Variants in UGT1A7 observed in about 807,000 individuals in gnomAD.
UGT1A7 encodes UDP glucuronosyltransferase family 1 member A7.
UGT1A7 carries 33 observed loss-of-function variants against 45.6 expected under a neutral mutation model. The observed-to-expected ratio is 0.72, with a 90% confidence interval of 0.55 to 0.97. The LOEUF (loss-of-function observed/expected upper bound fraction) is 0.97, where lower values mean the gene tolerates loss of function less well. Among genes scored for constraint, UGT1A7 ranks in the 50% least tolerant of loss-of-function variants. The probability of loss-of-function intolerance (pLI) is 0.00; values close to 1 mark genes in which losing one functional copy is unlikely to be tolerated. For synonymous variants in UGT1A7, 274 were observed against 250.6 expected, an observed-to-expected ratio of 1.09 and a Z score of -0.88; for missense variants, 684 against 666.2, an observed-to-expected ratio of 1.03 and a Z score of -0.29.
chr2:233,749,470 C>T (rs7604115), intron 1 of UGT1A7, among the ~76,000 whole-genome samples: 55,875 of 151,612 alleles, frequency 0.37, 10,826 homozygotes, highest in African/African-American at 0.42. Context: ...GGAACTGTGG[C>T]ACAGATCACT....
chr2:233,718,910 G>T (rs760663679), intron 1 of UGT1A7: 2 of 1,614,074 alleles, frequency 1.2e-6, no homozygotes, highest in East Asian at 4.5e-5. Context: ...AGAGTGGAAA[G>T]GTGTTGGTGG....
At chr2:233,763,400 C>G (rs1260538739) in intron 1 of UGT1A7, among the ~76,000 whole-genome samples, 3 of 152,186 alleles carry the variant, frequency 2.0e-5, no homozygotes, top group African/African-American at 7.2e-5. Context: ...CAACATGGCA[C>G]TGGTATTTTT....
intron 1 of UGT1A7, chr2:233,690,992 C>T: frequency 2.0e-6 from 2 of 994,606 alleles, no homozygotes; most frequent in Non-Finnish European, 2.4e-6. Flanking sequence ...ATATGAGCAA[C>T]AGGATTTTCA....
rs767800703 is a variant in UGT1A7 at position 233,760,482 on chromosome 2, G to A, written c.856-6552G>A. 9.3e-6 allele frequency: 15 copies of A among 1,614,120 alleles called. No homozygotes were observed. The highest frequency in any genetic ancestry group is 4.0e-5 in the African/African-American group (3 of 74,938). ...TAGTTGTCCTAGCACCTGACGCCTC[G>A]TTGTACATCAGAGACGGAGCATTTT... is the stretch of plus-strand genomic sequence containing the variant. On this transcript the variant is annotated intron_variant, in intron 1 of 4. Transcript: ENST00000373426.
At chr2:233,750,273 A>T (rs1048305257) in intron 1 of UGT1A7, among the ~76,000 whole-genome samples, 6 of 151,954 alleles carry the variant, frequency 3.9e-5, no homozygotes, top group African/African-American at 1.5e-4. Context: ...TGCTTTAGCA[A>T]AGAGACTGGT....
chr2:233,723,946 G>C (rs1413540924), intron 1 of UGT1A7, among the ~76,000 whole-genome samples: 2 of 53,094 alleles, frequency 3.8e-5, no homozygotes, highest in Non-Finnish European at 6.6e-5. Flanking sequence ...ACACAGACAC[G>C]GCAACCATCC....
intron 1 of UGT1A7, among the ~76,000 whole-genome samples, chr2:233,748,665 G>C (rs2125893824): frequency 6.6e-6 from 1 of 151,856 alleles, no homozygotes; most frequent in South Asian, 2.1e-4. Context: ...AGTTTCCAGA[G>C]AGGGATCTGT....
chr2:233,697,561 CAATTT>C (rs2075398383), intron 1 of UGT1A7, among the ~76,000 whole-genome samples: 1 of 149,770 alleles, frequency 6.7e-6, no homozygotes, highest in Admixed American at 6.6e-5. Context: ...TATTTAGCCT[CAATTT>C]AATTTATTTT....
At chr2:233,685,853 T>A (rs2074759924) in intron 1 of UGT1A7, among the ~76,000 whole-genome samples, 1 of 152,252 alleles carries the variant, frequency 6.6e-6, no homozygotes, top group African/African-American at 2.4e-5. Flanking sequence ...ATTTGTTTCA[T>A]AGACACAATA....
intron 1 of UGT1A7, chr2:233,747,379 A>G: frequency 1.2e-6 from 2 of 1,605,180 alleles, no homozygotes; most frequent in South Asian, 1.1e-5. Flanking sequence ...GCCAGAGGCC[A>G]CCAGGCGGTG....
chr2:233,724,330 C>A (rs1214568164), intron 1 of UGT1A7, among the ~76,000 whole-genome samples: 2 of 122,004 alleles, frequency 1.6e-5, no homozygotes, highest in African/African-American at 6.2e-5. Context: ...GCTGGCCAGG[C>A]GGGGGGCTGA....
chr2:233,743,081 G>C, intron 1 of UGT1A7: 1 of 347,046 alleles, frequency 2.9e-6, no homozygotes, highest in Non-Finnish European at 5.6e-6. Context: ...GGCATGAAGT[G>C]TTTATAAATT....
At chr2:233,725,887 G>A (rs1228393532) in intron 1 of UGT1A7, among the ~76,000 whole-genome samples, 1 of 152,022 alleles carries the variant, frequency 6.6e-6, no homozygotes, top group Non-Finnish European at 1.5e-5. Context: ...TGATTTGTAG[G>A]CAGGTGGGTG....
intron 1 of UGT1A7, chr2:233,693,455 C>G (rs773557629): frequency 6.2e-7 from 1 of 1,614,054 alleles, no homozygotes; most frequent in Non-Finnish European, 8.5e-7. Context: ...TTTCACAGAC[C>G]CAGCCTTACC....
At chr2:233,724,957 G>A in intron 1 of UGT1A7, among the ~76,000 whole-genome samples, 1 of 142,916 alleles carries the variant, frequency 7.0e-6, no homozygotes, top group Non-Finnish European at 1.5e-5. Flanking sequence ...GGCACCTCGG[G>A]AGGCCGAGGT....
chr2:233,743,918 C>T, intron 1 of UGT1A7: 1 of 1,363,786 alleles, frequency 7.3e-7, no homozygotes, highest in East Asian at 4.6e-5. Context: ...GTCCACCATG[C>T]TGGATGGCCA....
chr2:233,767,704 T>A, intron 2 of UGT1A7, 145 bp from the exon 3 acceptor site: 1 of 1,518,956 alleles, frequency 6.6e-7, no homozygotes, highest in East Asian at 2.4e-5. Context: ...TTGCCAGTCC[T>A]CAGAAGCCTT....
chr2:233,745,241 G>A (rs1693049313), intron 1 of UGT1A7, among the ~76,000 whole-genome samples: 1 of 151,840 alleles, frequency 6.6e-6, no homozygotes, highest in African/African-American at 2.4e-5. Flanking sequence ...ACTATTTACT[G>A]TATCGAAACC....
intron 1 of UGT1A7, among the ~76,000 whole-genome samples, chr2:233,701,124 G>A (rs2075611315): frequency 6.6e-6 from 1 of 152,078 alleles, no homozygotes; most frequent in African/African-American, 2.4e-5. Flanking sequence ...TATCATTGAG[G>A]GACATTTAGG....
Sources: allele counts gnomAD v4.1 joint callset (sites outside exome capture counted in the v4.1 genomes callset), GRCh38; gene constraint gnomAD v4.1.1; transcripts MANE v1.5; gene names NCBI Gene and HGNC (gene_info 2026-07-23, HGNC 2026-07-21).